The following DUOXA2 variants were observed in gnomAD, a reference collection of about 807,000 sequenced individuals.
DUOXA2 encodes dual oxidase maturation factor 2.
DUOXA2 carries 22 observed loss-of-function variants against 27.6 expected under a neutral mutation model. The ratio of observed to expected loss-of-function variants is 0.80; its 90% CI spans 0.57 to 1.14. The LOEUF is 1.14. DUOXA2 is among the 50% of genes most tolerant of loss of function. DUOXA2 has a pLI of 0.00. For missense variants in DUOXA2, 481 were observed against 419.9 expected, an observed-to-expected ratio of 1.15 and a Z score of -1.27; for synonymous variants, 188 against 184.4, an observed-to-expected ratio of 1.02 and a Z score of -0.16.
At position 45,114,647 on chromosome 15, in the gene DUOXA2, C is replaced by CCGG; in HGVS notation, c.44_46dup (p.Arg15dup). ...GCGTACTGCCTTTTTACCCCCAGCCCCGGCATGCCGCAGGCTTCAGCGTTC... is the reference window on the plus strand; with the variant it reads ...GCGTACTGCCTTTTTACCCCCAGCCCCGGCGGCATGCCGCAGGCTTCAGCGTTC... On this transcript the variant is annotated inframe_insertion, in exon 1 of 6. Coordinates refer to ENST00000323030, the MANE Select transcript of DUOXA2 (RefSeq NM_207581.4). 2 of 1,614,232 alleles carry CCGG rather than the reference C, an allele frequency of 1.2e-6. No individual in the cohort carries two copies. Among genetic ancestry groups the CCGG allele is most frequent in the Non-Finnish European group, 1.7e-6 (2 of 1,180,040 alleles).
At chr15:45,115,975 T>A in intron 2 of DUOXA2, 119 bp downstream of exon 2, 1 of 1,589,966 alleles carries the variant, frequency 6.3e-7, no homozygotes, top group South Asian at 1.1e-5. Context: ...ACTCTCCAGC[T>A]CCTTCTAGGG....
rs569158914 is a variant in DUOXA2, at chr15:45,116,304, C to T, written c.340+46C>T. 7.5e-6 allele frequency: 12 copies of T among 1,609,942 alleles called. No homozygotes were observed. The East Asian group carries it at 8.9e-5, about 12-fold the overall frequency. On this transcript the variant is annotated intron_variant, in intron 3 of 5. Coordinates refer to ENST00000323030, the MANE Select transcript of DUOXA2 (RefSeq NM_207581.4). ...TGAACTCCTGGAGCTGGGAGATCCC[C>T]GGTTAGGTGAGTGTGTCAGGGATAG... is the stretch of plus-strand genomic sequence containing the variant.
Position 45,117,933 on chromosome 15 carries a change from C to T in DUOXA2, c.*24C>T. 6.2e-7 allele frequency: 1 copy of T among 1,613,188 alleles called. No individual in the cohort carries two copies. Among genetic ancestry groups the T allele is most frequent in the Non-Finnish European group, 8.5e-7 (1 of 1,179,990 alleles). Reference sequence around the variant, plus strand: ...GAGGGGGACCCAATCTGGACTCCTTCCCCGCCTTGGGACATCGCAGGCCGG... The same window carrying T: ...GAGGGGGACCCAATCTGGACTCCTTTCCCGCCTTGGGACATCGCAGGCCGG... On this transcript the variant is annotated 3_prime_UTR_variant, in exon 6 of 6. Coordinates refer to ENST00000323030, the MANE Select transcript of DUOXA2 (RefSeq NM_207581.4).
chr15:45,117,744 CG>C lies in DUOXA2; in HGVS notation c.799del (p.Val267TrpfsTer2). 6.2e-7 allele frequency: 1 copy of C among 1,613,008 alleles called. No individual in the cohort carries two copies. Among genetic ancestry groups the C allele is most frequent in the Non-Finnish European group, 8.5e-7 (1 of 1,179,168 alleles). ...TCCTGTGCCTCTTCCTCGGAGGGGCCGTGGTGAGTCTCCAGTATGTTCGGCC... is the reference window on the plus strand; with the variant it reads ...TCCTGTGCCTCTTCCTCGGAGGGGCCTGGTGAGTCTCCAGTATGTTCGGCC... Reference protein sequence around the residue: ...GVLCLFLGGAVVSLQYVRPSA... With the variant: ...GVLCLFLGGAXVSLQYVRPSA... On this transcript the variant is annotated frameshift_variant, in exon 6 of 6. Transcript: ENST00000323030. LOFTEE classifies it low-confidence loss of function (END_TRUNC).
At chr15:45,116,472 G>C (rs1266482996) in intron 3 of DUOXA2, 44 bp from the exon 4 acceptor site, 1 of 1,608,578 alleles carries the variant, frequency 6.2e-7, no homozygotes, top group Non-Finnish European at 8.5e-7. Context: ...TAGTTGCGAG[G>C]TCTCCGACCG....
Position 45,116,637 on chromosome 15 carries a change from G to A in DUOXA2, c.462G>A (p.Val154=). Residue 154 remains valine (V), a synonymous_variant, in exon 4 of 6, where the codon GTG becomes GTA. Coordinates refer to ENST00000323030, the MANE Select transcript of DUOXA2 (RefSeq NM_207581.4). ...TGGAGAAGGGGCTGCCGGACCCAGTGCTCTACCTGGCGGAGAAGTTCACAC... is the reference window on the plus strand; with the variant it reads ...TGGAGAAGGGGCTGCCGGACCCAGTACTCTACCTGGCGGAGAAGTTCACAC... ...NALEKGLPDP[V]LYLAEKFTPS... is the part of the protein sequence containing the mutation. 6.2e-7 allele frequency: 1 copy of A among 1,613,910 alleles called. No homozygotes were observed. The highest frequency in any genetic ancestry group is 1.1e-5 in the South Asian group (1 of 91,082).
intron 4 of DUOXA2, 68 bp from the exon 5 acceptor site, chr15:45,117,023 C>A: frequency 6.5e-6 from 10 of 1,527,196 alleles, no homozygotes; most frequent in Non-Finnish European, 6.2e-6. Context: ...TAAAGAAGAG[C>A]GCAGCTGTGG....
intron 3 of DUOXA2, 79 bp from the exon 4 acceptor site, chr15:45,116,437 C>T (rs1894634412): frequency 6.3e-7 from 1 of 1,578,078 alleles, no homozygotes; most frequent in Non-Finnish European, 8.7e-7. Context: ...AGCGCCACAC[C>T]CCCACTTTCC....
rs1364553751 is a variant in DUOXA2 at position 45,114,351 on chromosome 15, G to A, written c.-255G>A. The A allele has an allele frequency of 1.8e-6, 1 of 551,814 alleles. No homozygotes were observed. The highest frequency in any genetic ancestry group is 3.2e-6 in the Non-Finnish European group (1 of 307,846). The allele number at this position is 551,814 out of a possible 1,614,324, so 34.2% of individuals were successfully genotyped here. On this transcript the variant is annotated 5_prime_UTR_variant, in exon 1 of 6. Transcript: ENST00000323030. ...AGCGCCAACCCGCAGAACCAGGAAAGTAACGGCTACAGACAGTGAGAAATA... is the reference window on the plus strand; with the variant it reads ...AGCGCCAACCCGCAGAACCAGGAAAATAACGGCTACAGACAGTGAGAAATA...
intron 1 of DUOXA2, 98 bp from the exon 2 acceptor site, chr15:45,115,700 TG>T: frequency 7.1e-7 from 1 of 1,411,282 alleles, no homozygotes; most frequent in Non-Finnish European, 1.0e-6. Context: ...CTCAAAAGTC[TG>T]GATATAACTA....
In DUOXA2 at chr15:45,116,581, G is replaced by A. The variant is rs1894644908; in HGVS notation, c.406G>A (p.Glu136Lys). ...CGAGCAGTTCACCTGGCGTCTGAAA[G>A]AGAATTACGCCGCGGAGTACGCGAA... ...YNEQFTWRLK[E>K]NYAAEYANAL... is the part of the protein sequence containing the mutation. The change falls in exon 4 of 6, where the codon GAG becomes AAG. Residue 136 changes from glutamate to lysine, a missense_variant. Physicochemically the swap from Glu to Lys is moderately conservative, Grantham distance 56. Transcript: ENST00000323030. 1 of 1,613,984 alleles carries A rather than the reference G, an allele frequency of 6.2e-7. No homozygotes were observed. The highest frequency in any genetic ancestry group is 1.3e-5 in the African/African-American group (1 of 74,948).
chr15:45,117,642 G>C (rs375505355), intron 5 of DUOXA2, 74 bp from the exon 6 acceptor site: 1 of 1,613,810 alleles, frequency 6.2e-7, no homozygotes, highest in Non-Finnish European at 8.5e-7. Flanking sequence ...TTTGAGGCCA[G>C]AGTTCGAGAC....
rs1209538056 is a variant in DUOXA2 at position 45,116,589 on chromosome 15, CGCCGCG to C, written c.416_421del (p.Ala139_Ala140del). 1 of 1,614,066 alleles carries C rather than the reference CGCCGCG, an allele frequency of 6.2e-7. No homozygotes were observed. ...TCACCTGGCGTCTGAAAGAGAATTA[CGCCGCG>C]GAGTACGCGAACGCACTGGAGAAGG... On this transcript the variant is annotated inframe_deletion, in exon 4 of 6. Coordinates refer to ENST00000323030, the MANE Select transcript of DUOXA2 (RefSeq NM_207581.4).
chr15:45,114,800 C>T (rs1236438123), intron 1 of DUOXA2, 48 bp downstream of exon 1: 4 of 1,613,352 alleles, frequency 2.5e-6, no homozygotes, highest in African/African-American at 1.3e-5. Context: ...GGCTCATGGG[C>T]AGATTGTCTC....
Position 45,116,224 on chromosome 15 carries a change from C to G in DUOXA2, c.306C>G (p.Leu102=), listed in dbSNP as rs780278882. The G allele has an allele frequency of 1.9e-6, 3 of 1,614,092 alleles. No homozygotes were observed. The highest frequency in any genetic ancestry group is 2.2e-5 in the East Asian group (1 of 44,882). The change falls in exon 3 of 6, where the codon CTC becomes CTG. Residue 102 remains leucine, a synonymous_variant. Coordinates refer to ENST00000323030, the MANE Select transcript of DUOXA2 (RefSeq NM_207581.4). ...AARVTARVRL[L]VGLEGINITL... is the part of the protein sequence containing the mutation. ...GCGTTACAGCCCGTGTCCGTCTGCT[C>G]GTGGGCCTGGAGGGCATTAATATTA...
In DUOXA2 at chr15:45,116,204, A is replaced by G. The variant is rs1349837673; in HGVS notation, c.286A>G (p.Thr96Ala). 2 of 1,614,036 alleles carry G rather than the reference A, an allele frequency of 1.2e-6. No individual in the cohort carries two copies. Among genetic ancestry groups the G allele is most frequent in the East Asian group, 4.5e-5 (2 of 44,860 alleles). ...CAAAGCCTTCAGCGCAGCGCGCGTTACAGCCCGTGTCCGTCTGCTCGTGGG... is the reference window on the plus strand; with the variant it reads ...CAAAGCCTTCAGCGCAGCGCGCGTTGCAGCCCGTGTCCGTCTGCTCGTGGG... ...SYKAFSAARV[T>A]ARVRLLVGLE... Residue 96 changes from threonine to alanine, a missense_variant, in exon 3 of 6, where the codon ACA (threonine) becomes GCA (alanine). Physicochemically the swap from Thr to Ala is moderately conservative, Grantham distance 58 (BLOSUM62 0). Coordinates refer to ENST00000323030, the MANE Select transcript of DUOXA2 (RefSeq NM_207581.4).
chr15:45,115,346 C>G, intron 1 of DUOXA2: 1 of 432,350 alleles, frequency 2.3e-6, no homozygotes, highest in Non-Finnish European at 4.7e-6. Context: ...TGTTGCTTTC[C>G]CTGGAACTGG....
chr15:45,116,678 G>T lies in DUOXA2; in HGVS notation c.503G>T (p.Gly168Val). The change falls in exon 4 of 6, where the codon GGC (glycine) becomes GTC (valine). Residue 168 changes from glycine to valine, a missense_variant. By Grantham distance (109) the Gly-to-Val change is moderately radical. Transcript: ENST00000323030. ...AAGTTCACACCGAGTAGCCCTTGCG[G>T]CCTGTACCACCAGTACCACCTGGCG... is the stretch of plus-strand genomic sequence containing the variant. ...AEKFTPSSPC[G>V]LYHQYHLAGH... 6.2e-7 allele frequency: 1 copy of T among 1,613,736 alleles called. No homozygotes were observed.
chr15:45,114,636 T>C lies in DUOXA2; in HGVS notation c.31T>C (p.Tyr11His), dbSNP rs1167664003. 3 of 1,614,078 alleles carry C rather than the reference T, an allele frequency of 1.9e-6. No individual in the cohort carries two copies. Among genetic ancestry groups the C allele is most frequent in the South Asian group, 2.2e-5 (2 of 91,084 alleles). Residue 11 changes from tyrosine (Y) to histidine (H), a missense_variant, in exon 1 of 6, where the codon TAC (tyrosine) becomes CAC (histidine). Tyr to His is a moderately conservative substitution (Grantham distance 83, BLOSUM62 2). Transcript: ENST00000323030. ...CCTGTGGAACGGCGTACTGCCTTTT[T>C]ACCCCCAGCCCCGGCATGCCGCAGG... MTLWNGVLPF[Y>H]PQPRHAAGFS... is the part of the protein sequence containing the mutation.
Sources: allele counts gnomAD v4.1 joint callset, GRCh38; gene constraint gnomAD v4.1.1; transcripts MANE v1.5; gene names NCBI Gene and HGNC (gene_info 2026-07-23, HGNC 2026-07-21).